Variants in LRFN5 observed in about 807,000 individuals in gnomAD.
LRFN5 encodes the protein leucine rich repeat and fibronectin type III domain containing 5, also known as leucine-rich repeat and fibronectin type-III domain-containing protein 5.
In LRFN5, 24 loss-of-function variants were observed where a neutral mutation model predicts 45.6. That is an observed-to-expected ratio of 0.53 (90% CI 0.38 to 0.74). The LOEUF is 0.74. Among genes scored for constraint, LRFN5 ranks in the 30% least tolerant of loss-of-function variants. The pLI, the probability that LRFN5 is intolerant of heterozygous loss-of-function variation, is 0.00. For synonymous variants in LRFN5, 340 were observed against 313.8 expected (o/e 1.08, Z -0.88); for missense variants, 776 against 861.5 (o/e 0.90, Z 1.24).
chr14:41,704,286 C>G (rs1446147491), intron 1 of LRFN5, among the ~76,000 whole-genome samples: 1 of 151,978 alleles, frequency 6.6e-6, no homozygotes, highest in East Asian at 1.9e-4. Context: ...ACGTGATTTC[C>G]CTTTCTCTCT....
At chr14:41,674,369 G>C (rs1323418662) in intron 1 of LRFN5, among the ~76,000 whole-genome samples, 1 of 142,540 alleles carries the variant, frequency 7.0e-6, no homozygotes, top group Non-Finnish European at 1.5e-5. Context: ...CGGCTGGCCG[G>C]GCGGGGGGCT....
At chr14:41,792,562 A>G (rs962900147) in intron 2 of LRFN5, among the ~76,000 whole-genome samples, 1 of 148,634 alleles carries the variant, frequency 6.7e-6, no homozygotes, top group Non-Finnish European at 1.5e-5. Context: ...TAATATTAAT[A>G]TTCCTTGCTA....
intron 1 of LRFN5, among the ~76,000 whole-genome samples, chr14:41,609,173 C>T (rs894457265): frequency 2.0e-5 from 3 of 152,096 alleles, no homozygotes; most frequent in Non-Finnish European, 4.4e-5. Flanking sequence ...GTTTAACTGC[C>T]AGGACGTGCT....
At chr14:41,754,287 T>A (rs1885275349) in intron 1 of LRFN5, among the ~76,000 whole-genome samples, 1 of 152,140 alleles carries the variant, frequency 6.6e-6, no homozygotes, top group South Asian at 2.1e-4. Flanking sequence ...ATAAAATGAG[T>A]TAGGGAGGAT....
chr14:41,820,412 C>A (rs1016367558), intron 2 of LRFN5, among the ~76,000 whole-genome samples: 1 of 151,748 alleles, frequency 6.6e-6, no homozygotes, highest in Admixed American at 6.6e-5. Context: ...TATTGATAAC[C>A]AGTTAGTTGT....
In LRFN5 at chr14:41,868,904, A is replaced by G. The variant is rs115969422; in HGVS notation, c.-20-17702A>G. Among the ~76,000 whole-genome samples, 714 of 152,276 alleles carry G rather than the reference A, an allele frequency of 4.7e-3. 1 individual carries two copies. The highest frequency in any genetic ancestry group is 0.016 in the African/African-American group (668 of 41,574). ...AGTACCTTCAAATCCTATATGTCCC[A>G]TGGAAACTACATTCCCTCCAATCAC... On this transcript the variant is annotated intron_variant, in intron 2 of 5. Coordinates refer to ENST00000298119, the MANE Select transcript of LRFN5 (RefSeq NM_152447.5).
intron 5 of LRFN5, among the ~76,000 whole-genome samples, chr14:41,901,508 C>T (rs1486620211): frequency 2.0e-5 from 3 of 151,716 alleles, no homozygotes; most frequent in Admixed American, 2.0e-4. Context: ...TGATTGCTTG[C>T]ACAGGCCTTT....
chr14:41,899,087 A>G (rs1022880475), intron 5 of LRFN5, 127 bp downstream of exon 5: 5 of 711,448 alleles, frequency 7.0e-6, no homozygotes, highest in African/African-American at 1.9e-5. Flanking sequence ...AAATTTACTT[A>G]TAATTCTCAA....
intron 2 of LRFN5, among the ~76,000 whole-genome samples, chr14:41,861,494 C>T (rs1222249749): frequency 2.6e-5 from 4 of 151,988 alleles, no homozygotes; most frequent in Admixed American, 6.6e-5. Context: ...TTTAAGCATC[C>T]CGGTTTTAAA....
chr14:41,820,777 A>G (rs561919937), intron 2 of LRFN5, among the ~76,000 whole-genome samples: 7 of 152,016 alleles, frequency 4.6e-5, no homozygotes, highest in Non-Finnish European at 7.4e-5. Flanking sequence ...ACTTGTTTGT[A>G]TCATCTACAA....
chr14:41,828,408 C>T (rs918382843), intron 2 of LRFN5, among the ~76,000 whole-genome samples: 1 of 151,950 alleles, frequency 6.6e-6, no homozygotes, highest in Non-Finnish European at 1.5e-5. Flanking sequence ...TATTTGCATT[C>T]TTCACAACTT....
chr14:41,803,403 A>G (rs1400882422), intron 2 of LRFN5, among the ~76,000 whole-genome samples: 1 of 151,728 alleles, frequency 6.6e-6, no homozygotes, highest in Non-Finnish European at 1.5e-5. Context: ...CCAGGTTAGA[A>G]GGCAGTGGTA....
chr14:41,681,282 T>C (rs1233619411), intron 1 of LRFN5, among the ~76,000 whole-genome samples: 3 of 152,104 alleles, frequency 2.0e-5, no homozygotes, highest in South Asian at 2.1e-4. Context: ...GAACACCAAG[T>C]AGATTTAATT....
At chr14:41,845,703 GATA>G (rs1379816468) in intron 2 of LRFN5, among the ~76,000 whole-genome samples, 1 of 151,982 alleles carries the variant, frequency 6.6e-6, no homozygotes, top group African/African-American at 2.4e-5. Context: ...ACTAGCAACA[GATA>G]ATAATTTCAT....
chr14:41,735,589 T>C (rs1338841112), intron 1 of LRFN5, among the ~76,000 whole-genome samples: 1 of 152,172 alleles, frequency 6.6e-6, no homozygotes, highest in Non-Finnish European at 1.5e-5. Context: ...TTTATTTTTA[T>C]TTTATTAGTT....
chr14:41,733,269 A>C (rs1331650989), intron 1 of LRFN5, among the ~76,000 whole-genome samples: 1 of 152,124 alleles, frequency 6.6e-6, no homozygotes, highest in East Asian at 1.9e-4. Flanking sequence ...GCCACACCTA[A>C]ATACATTATA....
At chr14:41,691,447 T>G (rs1226761870) in intron 1 of LRFN5, among the ~76,000 whole-genome samples, 1 of 152,128 alleles carries the variant, frequency 6.6e-6, no homozygotes, top group African/African-American at 2.4e-5. Flanking sequence ...AAACAAACTC[T>G]TTATGATTTC....
At chr14:41,727,515 A>G (rs1385373894) in intron 1 of LRFN5, among the ~76,000 whole-genome samples, 1 of 152,084 alleles carries the variant, frequency 6.6e-6, no homozygotes, top group Non-Finnish European at 1.5e-5. Flanking sequence ...AGTTCTAGCT[A>G]CTCAGAAGGC....
intron 1 of LRFN5, among the ~76,000 whole-genome samples, chr14:41,655,648 G>T (rs1247398959): frequency 1.3e-5 from 2 of 151,950 alleles, no homozygotes; most frequent in African/African-American, 2.4e-5. Context: ...GGCTTAAGGG[G>T]ACCTGCTTAG....
Sources: gnomAD v4.1 joint callset for allele counts (sites outside exome capture counted in the v4.1 genomes callset) on GRCh38, gnomAD v4.1.1 for gene constraint, MANE v1.5 for transcripts, NCBI Gene and HGNC (gene_info 2026-07-23, HGNC 2026-07-21) for gene names.